Variants in ZEB1 observed in about 807,000 individuals in gnomAD.
ZEB1 encodes the protein zinc finger E-box binding homeobox 1.
A neutral mutation model predicts 84.9 loss-of-function variants in ZEB1; 21 were observed. The observed-to-expected ratio is 0.25, with a 90% confidence interval of 0.18 to 0.36. The LOEUF (loss-of-function observed/expected upper bound fraction) is 0.36, where lower values mean the gene tolerates loss of function less well. ZEB1 is among the 10% of genes least tolerant of loss of function. The pLI is 1.00. For synonymous variants in ZEB1, 420 were observed against 471.1 expected, an observed-to-expected ratio of 0.89 and a Z score of 1.41; for missense variants, 1,104 against 1,330.2, an observed-to-expected ratio of 0.83 and a Z score of 2.65.
At chr10:31,436,999 C>T (rs2136381894) in intron 1 of ZEB1, among the ~76,000 whole-genome samples, 1 of 152,256 alleles carries the variant, frequency 6.6e-6, no homozygotes, top group African/African-American at 2.4e-5. Context: ...GATTTTAATT[C>T]ACACTGCTAC....
At chr10:31,488,684 A>G (rs1311044007) in intron 2 of ZEB1, among the ~76,000 whole-genome samples, 11 of 150,856 alleles carry the variant, frequency 7.3e-5, no homozygotes, top group Non-Finnish European at 1.3e-4. Context: ...TCCCCTCTAT[A>G]CAGTGTTTTA....
chr10:31,366,743 C>G lies in ZEB1; in HGVS notation c.58+47451C>G, dbSNP rs371233015. Among the ~76,000 whole-genome samples, 4 of 152,140 alleles carry G rather than the reference C, an allele frequency of 2.6e-5. No individual in the cohort carries two copies. The East Asian group carries it at 7.7e-4, about 29-fold the overall frequency. ...AAATCTTAGTCATTATGAGGTCTAGCAAAGATCTTTTTCTTCTATGAAGCC... is the reference window on the plus strand; with the variant it reads ...AAATCTTAGTCATTATGAGGTCTAGGAAAGATCTTTTTCTTCTATGAAGCC... On this transcript the variant is annotated intron_variant, in intron 1 of 8. Transcript: ENST00000424869.
intron 1 of ZEB1, among the ~76,000 whole-genome samples, chr10:31,406,672 G>T (rs2053129420): frequency 6.6e-6 from 1 of 151,934 alleles, no homozygotes; most frequent in African/African-American, 2.4e-5. Context: ...AGTTTCTTTT[G>T]CTGTGCAGAA....
intron 1 of ZEB1, among the ~76,000 whole-genome samples, chr10:31,340,766 A>G (rs2039200279): frequency 6.6e-6 from 1 of 152,192 alleles, no homozygotes; most frequent in Non-Finnish European, 1.5e-5. Flanking sequence ...GCTTACTTGA[A>G]AAGATAATGC....
intron 1 of ZEB1, among the ~76,000 whole-genome samples, chr10:31,415,467 G>A (rs542068921): frequency 3.2e-4 from 48 of 151,746 alleles, no homozygotes; most frequent in Admixed American, 6.6e-5. Context: ...AAGTCTTTTC[G>A]ACCATGTTCG....
At chr10:31,507,132 T>A (rs1046638970) in intron 4 of ZEB1, among the ~76,000 whole-genome samples, 2 of 152,182 alleles carry the variant, frequency 1.3e-5, no homozygotes, top group African/African-American at 4.8e-5. Flanking sequence ...GGTTTTTTTC[T>A]TTCAATACTT....
At chr10:31,478,371 C>T (rs570868974) in intron 2 of ZEB1, among the ~76,000 whole-genome samples, 2 of 151,798 alleles carry the variant, frequency 1.3e-5, no homozygotes, top group African/African-American at 4.8e-5. Flanking sequence ...GGCATGGATG[C>T]AGAGAGAAGG....
chr10:31,367,361 T>C (rs1300130199), intron 1 of ZEB1, among the ~76,000 whole-genome samples: 1 of 152,222 alleles, frequency 6.6e-6, no homozygotes, highest in Non-Finnish European at 1.5e-5. Context: ...CCTAGGACTC[T>C]ACACTTTTAC....
chr10:31,484,523 G>A (rs2065471405), intron 2 of ZEB1, among the ~76,000 whole-genome samples: 1 of 151,942 alleles, frequency 6.6e-6, no homozygotes, highest in African/African-American at 2.4e-5. Flanking sequence ...GTCACTGATA[G>A]TAATTATTAT....
chr10:31,361,958 G>GGC, intron 1 of ZEB1, among the ~76,000 whole-genome samples: 1 of 149,850 alleles, frequency 6.7e-6, no homozygotes, highest in Non-Finnish European at 1.5e-5. Flanking sequence ...TCGCAGACGG[G>GGC]ACGGCGGCAG....
rs537364385 is a variant in ZEB1, at chr10:31,475,248, C to CA, written c.259+14017dup. Among the ~76,000 whole-genome samples the CA allele has an allele frequency of 1.1e-4, 16 of 150,532 alleles. No individual in the cohort carries two copies. The South Asian group carries it at 3.0e-3, about 28-fold the overall frequency. ...AAAAAAACAAATTAACCCAATCAGACAAAAAATAAGTTTTGTAAATGAACA... is the reference window on the plus strand; with the variant it reads ...AAAAAAACAAATTAACCCAATCAGACAAAAAAATAAGTTTTGTAAATGAACA... On this transcript the variant is annotated intron_variant, in intron 2 of 8. Transcript: ENST00000424869.
intron 2 of ZEB1, among the ~76,000 whole-genome samples, chr10:31,466,969 G>A (rs1459481802): frequency 6.6e-6 from 1 of 152,066 alleles, no homozygotes; most frequent in African/African-American, 2.4e-5. Flanking sequence ...CTACAGAGAG[G>A]AACCAAAATA....
At chr10:31,448,257 G>T (rs1184088295) in intron 1 of ZEB1, among the ~76,000 whole-genome samples, 350 of 102,674 alleles carry the variant, frequency 3.4e-3, no homozygotes, top group Admixed American at 5.8e-3. Context: ...TTGGTTTTCA[G>T]CTCCATCAGC....
At chr10:31,470,226 G>A (rs1038969071) in intron 2 of ZEB1, among the ~76,000 whole-genome samples, 1 of 152,192 alleles carries the variant, frequency 6.6e-6, no homozygotes, top group African/African-American at 2.4e-5. Context: ...CGACTTTGAC[G>A]AGCTGAGAGA....
At chr10:31,453,255 A>G (rs1382423886) in intron 1 of ZEB1, among the ~76,000 whole-genome samples, 1 of 151,862 alleles carries the variant, frequency 6.6e-6, no homozygotes, top group Non-Finnish European at 1.5e-5. Flanking sequence ...CTGTGGCTTT[A>G]ATCAATACAT....
In ZEB1 at chr10:31,503,557, A is replaced by G. The variant is rs566521655; in HGVS notation, c.484+1048A>G. On this transcript the variant is annotated intron_variant, in intron 4 of 8. Coordinates refer to ENST00000424869, the MANE Select transcript of ZEB1 (RefSeq NM_001174096.2). ...ATGAAGATCCAGGCATCTCTTTGAT[A>G]TACCAACTTCCTTTGGATAAATACC... 4.6e-5 allele frequency among the ~76,000 whole-genome samples: 7 copies of G among 152,136 alleles called. No individual in the cohort carries two copies. The South Asian group carries it at 1.5e-3, about 32-fold the overall frequency.
intron 2 of ZEB1, among the ~76,000 whole-genome samples, chr10:31,465,002 C>T (rs936165725): frequency 6.6e-6 from 1 of 152,014 alleles, no homozygotes; most frequent in African/African-American, 2.4e-5. Flanking sequence ...ATGAATAAGA[C>T]CTACTATTTG....
intron 1 of ZEB1, among the ~76,000 whole-genome samples, chr10:31,456,570 A>G (rs1390662031): frequency 1.3e-5 from 2 of 152,112 alleles, no homozygotes; most frequent in African/African-American, 4.8e-5. Context: ...AAGTTTAAGA[A>G]TATTTTTCAT....
At chr10:31,345,521 C>T (rs541808997) in intron 1 of ZEB1, among the ~76,000 whole-genome samples, 2 of 152,088 alleles carry the variant, frequency 1.3e-5, no homozygotes, top group South Asian at 4.2e-4. Flanking sequence ...CTTGATGTTC[C>T]CATAAAGAGC....
Sources: allele counts gnomAD v4.1 joint callset (sites outside exome capture counted in the v4.1 genomes callset), GRCh38; gene constraint gnomAD v4.1.1; transcripts MANE v1.5; gene names NCBI Gene and HGNC (gene_info 2026-07-23, HGNC 2026-07-21).